The following CHID1 variants were observed in gnomAD, a reference collection of about 807,000 sequenced individuals.
CHID1 encodes chitinase domain-containing protein 1.
In CHID1, 44 loss-of-function variants were observed where a neutral mutation model predicts 55.4. The ratio of observed to expected loss-of-function variants is 0.79; its 90% CI spans 0.62 to 1.02. The LOEUF (loss-of-function observed/expected upper bound fraction) is 1.02. CHID1 is among the 50% of genes least tolerant of loss of function. The pLI is 0.00. For synonymous variants in CHID1, 216 were observed against 212.9 expected (o/e 1.01, Z -0.13); for missense variants, 491 against 515.3 (o/e 0.95, Z 0.46).
chr11:892,310 T>C (rs1850901031), intron 8 of CHID1, among the ~76,000 whole-genome samples: 2 of 151,960 alleles, frequency 1.3e-5, no homozygotes, highest in Admixed American at 6.6e-5. Context: ...AGCTGGCACA[T>C]AAGGGAGAGG....
Position 910,785 on chromosome 11 carries a change from G to A in CHID1, c.-54C>T, listed in dbSNP as rs1298618969. On this transcript the variant is annotated 5_prime_UTR_variant, in exon 1 of 13. Transcript: ENST00000323578. The stretch of plus-strand genomic sequence containing the variant: ...CGCCGCGGGGCTCACCTGCATGTCA[G>A]GGAGGCCGGACGGCCACAAACGCAC... 1.1e-5 allele frequency: 12 copies of A among 1,126,884 alleles called. No homozygotes were observed. Among genetic ancestry groups the A allele is most frequent in the Non-Finnish European group, 1.3e-5 (12 of 912,098 alleles). The allele number at this position is 1,126,884 out of a possible 1,614,324, so 69.8% of individuals were successfully genotyped here. A position where few individuals can be genotyped will look rare whatever the true frequency, so the allele number is the denominator to read the frequency against.
chr11:914,662 G>T, upstream of CHID1: 1 of 818,924 alleles, frequency 1.2e-6, no homozygotes. Context: ...CATCAAGGCT[G>T]CAGTGAGCTG....
intron 2 of CHID1, among the ~76,000 whole-genome samples, chr11:904,462 G>A (rs377630435): frequency 5.9e-5 from 9 of 152,330 alleles, no homozygotes; most frequent in African/African-American, 2.2e-4. Flanking sequence ...CACGTGGGGT[G>A]AGTGGGGAGG....
chr11:870,237 C>T (rs955630312), intron 11 of CHID1, 74 bp from the exon 12 acceptor site: 49 of 1,586,324 alleles, frequency 3.1e-5, no homozygotes, highest in African/African-American at 2.8e-4. Context: ...CCAAGGTCCA[C>T]GGCCTGTACT....
chr11:891,145 A>G (rs1287051668), intron 8 of CHID1, among the ~76,000 whole-genome samples: 1 of 152,174 alleles, frequency 6.6e-6, no homozygotes, highest in Non-Finnish European at 1.5e-5. Flanking sequence ...CTGGGGCTGT[A>G]GCCAGAGTCT....
At position 875,989 on chromosome 11, in the gene CHID1, T is replaced by G. The variant is rs535580628; in HGVS notation, c.960-5490A>C. The stretch of plus-strand genomic sequence containing the variant: ...ATTGCTTGGCGGTGCACGTGGTGTG[T>G]GGGGGCATGTGAGGCTGGGGGCTGT... On this transcript the variant is annotated intron_variant, in intron 10 of 12. Coordinates refer to ENST00000323578, the MANE Select transcript of CHID1 (RefSeq NM_023947.4). The surrounding 1 kb of genome is among the most constrained non-coding windows in gnomAD (Gnocchi z 4.7). 6.6e-6 allele frequency among the ~76,000 whole-genome samples: 1 copy of G among 152,058 alleles called. No homozygotes were observed. Among genetic ancestry groups the G allele is most frequent in the East Asian group, 1.9e-4 (1 of 5,156 alleles).
chr11:893,444 C>A lies in CHID1; in HGVS notation c.684G>T (p.Pro228=), dbSNP rs766333838. 6.4e-7 allele frequency: 1 copy of A among 1,550,982 alleles called. No individual in the cohort carries two copies. The highest frequency in any genetic ancestry group is 8.7e-7 in the Non-Finnish European group (1 of 1,147,108). ...QARLLALLVI[P]PAITPGTDQL... ...GCACTTACCCGGGGGTGATGGCAGG[C>A]GGGATGACCAGGAGGGCCAGCAGCC... Residue 228 remains proline (P), a synonymous_variant, in exon 8 of 13, where the codon CCG becomes CCT. Transcript: ENST00000323578.
intron 7 of CHID1, among the ~76,000 whole-genome samples, chr11:896,747 T>C (rs1316318698): frequency 0.055 from 2,037 of 36,758 alleles, no homozygotes; most frequent in Middle Eastern, 0.14. Context: ...TCAGCACCCC[T>C]AGCCTCCACC....
At chr11:870,721 C>T (rs762085681) in intron 10 of CHID1, 11 of 525,712 alleles carry the variant, frequency 2.1e-5, no homozygotes, top group Non-Finnish European at 2.4e-5. Flanking sequence ...GGAGCTTCCT[C>T]GGAAGAAGCC....
At chr11:891,199 G>A (rs962934972) in intron 8 of CHID1, among the ~76,000 whole-genome samples, 1 of 152,060 alleles carries the variant, frequency 6.6e-6, no homozygotes, top group African/African-American at 2.4e-5. Flanking sequence ...CGGCCCCGCC[G>A]ACTGGGAGGG....
intron 1 of CHID1, chr11:910,516 G>C: frequency 2.6e-6 from 2 of 778,262 alleles, no homozygotes; most frequent in South Asian, 2.8e-5. Flanking sequence ...CCCGACACGC[G>C]CCCCCGTCCA....
intron 8 of CHID1, among the ~76,000 whole-genome samples, chr11:893,204 T>C (rs1253998314): frequency 6.6e-6 from 1 of 152,184 alleles, no homozygotes; most frequent in Admixed American, 6.5e-5. Flanking sequence ...TTCTGTCCAC[T>C]TGGCCCCCAG....
In CHID1 at chr11:904,867, G is replaced by T; in HGVS notation, c.-43-8C>A. On this transcript the variant is annotated splice_polypyrimidine_tract_variant and splice_region_variant and intron_variant, in intron 1 of 12. Coordinates refer to ENST00000323578, the MANE Select transcript of CHID1 (RefSeq NM_023947.4). ...ACCTCGGGGTCCAGAGGGCTGCAGG[G>T]AAAGCAGAGCACATTCAAACAACCG... is the stretch of plus-strand genomic sequence containing the variant. 1.2e-6 allele frequency: 2 copies of T among 1,612,064 alleles called. No individual in the cohort carries two copies.
upstream of CHID1, among the ~76,000 whole-genome samples, chr11:913,894 G>A (rs944232199): frequency 5.3e-5 from 8 of 151,984 alleles, no homozygotes; most frequent in Non-Finnish European, 1.0e-4. Context: ...GTGAAACCCC[G>A]TCTCTACTAA....
chr11:900,078 C>G lies in CHID1; in HGVS notation c.472G>C (p.Asp158His). 1.9e-6 allele frequency: 3 copies of G among 1,614,028 alleles called. No individual in the cohort carries two copies. Among genetic ancestry groups the G allele is most frequent in the Non-Finnish European group, 2.5e-6 (3 of 1,179,990 alleles). Residue 158 changes from aspartate (D) to histidine (H), a missense_variant, in exon 6 of 13, where the codon GAT becomes CAT. Coordinates refer to ENST00000323578, the MANE Select transcript of CHID1 (RefSeq NM_023947.4). ...CTGTCTAAGACGTTCCGGAAATCAT[C>G]GTAAGTCCAGTCCTCAAACAGGAGC... ...PRLLFEDWTY[D>H]DFRNVLDSED...
intron 9 of CHID1, 90 bp from the exon 10 acceptor site, chr11:883,393 C>A: frequency 7.6e-7 from 1 of 1,324,424 alleles, no homozygotes; most frequent in Non-Finnish European, 1.0e-6. Flanking sequence ...GGTGCATCCT[C>A]CCCATGCTGC....
chr11:903,527 T>C (rs886160418), intron 2 of CHID1: 9 of 221,526 alleles, frequency 4.1e-5, no homozygotes, highest in African/African-American at 2.1e-4. Flanking sequence ...ACGCCTGTAA[T>C]CCCAGAACTT....
chr11:910,863 C>G (rs1438120102), upstream of CHID1: 1 of 1,078,506 alleles, frequency 9.3e-7, no homozygotes. Context: ...GCCCGCGCGC[C>G]GCCGCCGCGC....
chr11:898,768 G>T (rs893008709), intron 7 of CHID1, among the ~76,000 whole-genome samples: 10 of 152,210 alleles, frequency 6.6e-5, no homozygotes, highest in African/African-American at 2.2e-4. Context: ...GTGGGAACCC[G>T]CGAGGGTCAT....
Sources: gnomAD v4.1 joint callset for allele counts (sites outside exome capture counted in the v4.1 genomes callset) on GRCh38, gnomAD v4.1.1 for gene constraint, Gnocchi (gnomAD v3.1) non-coding constraint, MANE v1.5 for transcripts, NCBI Gene and HGNC (gene_info 2026-07-23, HGNC 2026-07-21) for gene names.